MROH9: variants seen among roughly 807,000 people sequenced by gnomAD.
MROH9 encodes maestro heat-like repeat-containing protein family member 9.
A neutral mutation model predicts 98.2 loss-of-function variants in MROH9; 92 were observed. The observed-to-expected ratio is 0.94, with a 90% confidence interval of 0.79 to 1.11. MROH9 has a LOEUF of 1.11. Ranked by LOEUF, MROH9 falls within the 50% of genes most tolerant of loss-of-function variation. The pLI is 0.00. For synonymous variants in MROH9, 397 were observed against 368.9 expected (o/e 1.08, Z -0.87); for missense variants, 1,057 against 1,014.8 (o/e 1.04, Z -0.57).
chr1:170,999,194 G>A (rs1055962677), intron 15 of MROH9, among the ~76,000 whole-genome samples: 1 of 151,916 alleles, frequency 6.6e-6, no homozygotes, highest in Non-Finnish European at 1.5e-5. Context: ...AGTTATTGGG[G>A]TACAGGTGGT....
intron 17 of MROH9, among the ~76,000 whole-genome samples, chr1:171,024,119 A>C (rs1447672738): frequency 6.6e-6 from 1 of 152,178 alleles, no homozygotes; most frequent in African/African-American, 2.4e-5. Context: ...CAATTATTCC[A>C]TTGATGGACA....
chr1:170,990,353 TTTG>T (rs1271565356), intron 11 of MROH9, among the ~76,000 whole-genome samples: 1 of 152,216 alleles, frequency 6.6e-6, no homozygotes. Flanking sequence ...TTTACTCATT[TTTG>T]TTGAGGAAAT....
chr1:170,965,086 T>C (rs1650178423), intron 6 of MROH9, 65 bp from the exon 7 acceptor site: 2 of 1,117,916 alleles, frequency 1.8e-6, no homozygotes, highest in Admixed American at 2.0e-5. Context: ...AGTTGAAGAA[T>C]AGAGGAAAGG....
At chr1:170,994,532 C>T (rs982927449) in intron 12 of MROH9, among the ~76,000 whole-genome samples, 2 of 151,974 alleles carry the variant, frequency 1.3e-5, no homozygotes, top group African/African-American at 4.8e-5. Context: ...TGTTTCAATA[C>T]CAGCATATAA....
intron 8 of MROH9, among the ~76,000 whole-genome samples, chr1:170,972,738 G>A (rs918097846): frequency 6.6e-6 from 1 of 151,114 alleles, no homozygotes; most frequent in African/African-American, 2.4e-5. Context: ...CGTGAACCCA[G>A]GAGGCAGAGC....
chr1:171,027,011 T>C (rs1238310477), intron 20 of MROH9, among the ~76,000 whole-genome samples: 1 of 152,100 alleles, frequency 6.6e-6, no homozygotes, highest in Non-Finnish European at 1.5e-5. Flanking sequence ...GAGAACTCAG[T>C]AAGGGACAAG....
intron 5 of MROH9, 82 bp from the exon 6 acceptor site, chr1:170,961,808 C>T: frequency 5.0e-6 from 3 of 595,812 alleles, no homozygotes; most frequent in Non-Finnish European, 8.2e-6. Flanking sequence ...TTAAAAGTAA[C>T]TTTTAAGCAA....
chr1:171,062,530 T>C (rs1157182177), intron 21 of MROH9, among the ~76,000 whole-genome samples: 1 of 152,236 alleles, frequency 6.6e-6, no homozygotes, highest in Admixed American at 6.5e-5. Flanking sequence ...TTTTTTAGCA[T>C]CTCTTATGTT....
chr1:171,017,754 C>T (rs1178163820), intron 17 of MROH9, among the ~76,000 whole-genome samples: 1 of 152,170 alleles, frequency 6.6e-6, no homozygotes, highest in African/African-American at 2.4e-5. Flanking sequence ...GAGGTATCCC[C>T]CATAGCCTAA....
chr1:170,939,983 A>G (rs1387418618), intron 1 of MROH9, among the ~76,000 whole-genome samples: 2 of 152,208 alleles, frequency 1.3e-5, no homozygotes, highest in Non-Finnish European at 2.9e-5. Context: ...TTGTCCAAGT[A>G]CCAGAGCAGA....
intron 20 of MROH9, among the ~76,000 whole-genome samples, chr1:171,056,573 A>G: frequency 6.6e-6 from 1 of 150,862 alleles, no homozygotes; most frequent in East Asian, 1.9e-4. Flanking sequence ...TAGTTCCAGG[A>G]GCCCAGATGA....
intron 20 of MROH9, among the ~76,000 whole-genome samples, chr1:171,037,264 AAGAG>A (rs566934229): frequency 2.6e-5 from 4 of 151,530 alleles, no homozygotes; most frequent in Non-Finnish European, 3.0e-5. Context: ...AGAGAGGAAA[AAGAG>A]AGGGAGGGAG....
intron 20 of MROH9, among the ~76,000 whole-genome samples, chr1:171,028,599 T>C (rs547761633): frequency 1.3e-5 from 2 of 152,338 alleles, no homozygotes; most frequent in Middle Eastern, 3.4e-3. Context: ...TAGTACTGAA[T>C]CTATAAATTA....
Position 170,958,596 on chromosome 1 carries a change from A to G in MROH9, c.152+56A>G, listed in dbSNP as rs371398339. 267 of 1,180,278 alleles carry G rather than the reference A, an allele frequency of 2.3e-4. 1 individual carries two copies. Among genetic ancestry groups the G allele is most frequent in the Non-Finnish European group, 3.1e-4 (256 of 831,760 alleles). The allele number at this position is 1,180,278 out of a possible 1,614,324, so 73.1% of individuals were successfully genotyped here. ...ACTAATTGGATGCATTTAAAATGTT[A>G]TATCTTTAAAAACATGCAATTGTGA... On this transcript the variant is annotated intron_variant, in intron 4 of 21. Coordinates refer to ENST00000367759, the MANE Select transcript of MROH9 (RefSeq NM_001163629.2).
intron 3 of MROH9, among the ~76,000 whole-genome samples, chr1:170,950,736 A>G (rs1649518743): frequency 6.6e-6 from 1 of 152,240 alleles, no homozygotes; most frequent in South Asian, 2.1e-4. Flanking sequence ...AGTCCATTCA[A>G]AAACATGCTT....
At chr1:171,019,373 G>C (rs976545852) in intron 17 of MROH9, among the ~76,000 whole-genome samples, 1 of 152,008 alleles carries the variant, frequency 6.6e-6, no homozygotes, top group African/African-American at 2.4e-5. Flanking sequence ...AGAAACATCG[G>C]CCAGGAGAAG....
At chr1:170,982,286 A>G (rs1031854374) in intron 8 of MROH9, among the ~76,000 whole-genome samples, 3 of 152,170 alleles carry the variant, frequency 2.0e-5, no homozygotes, top group Admixed American at 1.3e-4. Flanking sequence ...AACTATTAAT[A>G]TGTACGAAAA....
chr1:170,965,616 ATTTAT>A (rs916222410), intron 7 of MROH9, among the ~76,000 whole-genome samples: 1 of 152,044 alleles, frequency 6.6e-6, no homozygotes, highest in Admixed American at 6.6e-5. Context: ...GAAAGCTGTT[ATTTAT>A]TTTAAATTTA....
At chr1:170,963,643 T>A (rs186943226) in intron 6 of MROH9, among the ~76,000 whole-genome samples, 3 of 152,292 alleles carry the variant, frequency 2.0e-5, no homozygotes. Context: ...CATGGGATAC[T>A]ATGCAGCCAT....
Sources: allele counts gnomAD v4.1 joint callset (sites outside exome capture counted in the v4.1 genomes callset), GRCh38; gene constraint gnomAD v4.1.1; transcripts MANE v1.5; gene names NCBI Gene and HGNC (gene_info 2026-07-23, HGNC 2026-07-21).